The following MAPRE2 variants were observed in gnomAD, a reference collection of about 807,000 sequenced individuals.
The protein encoded by MAPRE2 is microtubule associated protein RP/EB family member 2.
MAPRE2 carries 13 observed loss-of-function variants against 43.2 expected under a neutral mutation model. The ratio of observed to expected loss-of-function variants is 0.30; its 90% confidence interval spans 0.20 to 0.48. The LOEUF is 0.48. Among genes scored for constraint, MAPRE2 ranks in the 20% least tolerant of loss-of-function variants. The pLI is 0.99. For synonymous variants in MAPRE2, 135 were observed against 148.8 expected (o/e 0.91, Z 0.68); for missense variants, 161 against 400.2 (o/e 0.40, Z 5.10).
intron 4 of MAPRE2, among the ~76,000 whole-genome samples, chr18:35,113,102 G>A (rs914858704): frequency 1.3e-5 from 2 of 152,292 alleles, no homozygotes; most frequent in Non-Finnish European, 2.9e-5. Context: ...AGGTTTCAAC[G>A]TATAGATCTG....
intron 1 of MAPRE2, among the ~76,000 whole-genome samples, chr18:34,997,899 G>C (rs1397184812): frequency 6.6e-6 from 1 of 152,082 alleles, no homozygotes; most frequent in African/African-American, 2.4e-5. Context: ...AAAACTAAGA[G>C]CTATAAACAA....
At chr18:35,003,707 C>G (rs895525729) in intron 1 of MAPRE2, among the ~76,000 whole-genome samples, 1 of 152,122 alleles carries the variant, frequency 6.6e-6, no homozygotes, top group South Asian at 2.1e-4. Context: ...GCTTGCACAG[C>G]TACTGGGTAC....
At chr18:35,036,783 T>C (rs533833606), upstream of MAPRE2, among the ~76,000 whole-genome samples, 16 of 152,364 alleles carry the variant, frequency 1.1e-4, no homozygotes, top group Non-Finnish European at 2.1e-4. Context: ...TCAAATCAAA[T>C]GATATTTGTT....
chr18:35,002,535 A>G (rs1176666470), intron 1 of MAPRE2, among the ~76,000 whole-genome samples: 1 of 152,224 alleles, frequency 6.6e-6, no homozygotes, highest in Non-Finnish European at 1.5e-5. Context: ...GAAGCAATAT[A>G]TGAGTGATCT....
intron 1 of MAPRE2, among the ~76,000 whole-genome samples, chr18:34,988,138 A>G (rs745784329): frequency 3.4e-4 from 52 of 152,328 alleles, no homozygotes; most frequent in Middle Eastern, 3.4e-3. Flanking sequence ...ACATATTCAT[A>G]TACTTGTATC....
chr18:35,035,960 C>T (rs1413549444), intron 2 of MAPRE2, among the ~76,000 whole-genome samples: 2 of 146,156 alleles, frequency 1.4e-5, no homozygotes, highest in African/African-American at 5.1e-5. Context: ...ACATTAAGAC[C>T]TATATATTCC....
At chr18:35,120,448 A>G (rs1282111092) in intron 4 of MAPRE2, among the ~76,000 whole-genome samples, 1 of 152,240 alleles carries the variant, frequency 6.6e-6, no homozygotes, top group Non-Finnish European at 1.5e-5. Context: ...ACCCTGTTAA[A>G]GTTTCATTTG....
intron 4 of MAPRE2, among the ~76,000 whole-genome samples, chr18:35,116,202 G>A (rs1909403320): frequency 6.6e-6 from 1 of 152,188 alleles, no homozygotes. Flanking sequence ...TAATGTATAA[G>A]TAGATGTTAG....
At chr18:35,015,307 T>C (rs2097037455) in intron 2 of MAPRE2, among the ~76,000 whole-genome samples, 1 of 152,118 alleles carries the variant, frequency 6.6e-6, no homozygotes, top group Non-Finnish European at 1.5e-5. Context: ...GTGTAATACC[T>C]GAACACCAGA....
intron 2 of MAPRE2, among the ~76,000 whole-genome samples, chr18:35,096,310 C>A (rs1452339285): frequency 6.6e-6 from 1 of 152,110 alleles, no homozygotes; most frequent in African/African-American, 2.4e-5. Context: ...AAAGAATGAA[C>A]CTAAAAATGG....
chr18:35,115,037 A>G (rs1359905648), intron 4 of MAPRE2, among the ~76,000 whole-genome samples: 1 of 152,106 alleles, frequency 6.6e-6, no homozygotes. Flanking sequence ...GTTGCTTAGT[A>G]TATTGGGCAG....
chr18:35,072,963 A>G (rs941154474), intron 2 of MAPRE2, among the ~76,000 whole-genome samples: 4 of 152,180 alleles, frequency 2.6e-5, no homozygotes, highest in African/African-American at 4.8e-5. Flanking sequence ...GTTAATCTCC[A>G]TAGTAGAGAA....
intron 2 of MAPRE2, among the ~76,000 whole-genome samples, chr18:35,025,980 A>G (rs1395575630): frequency 6.6e-6 from 1 of 152,178 alleles, no homozygotes; most frequent in African/African-American, 2.4e-5. Flanking sequence ...TACAGTGCCA[A>G]AAGAAAAACT....
At chr18:35,024,749 T>C (rs1034003394) in intron 2 of MAPRE2, among the ~76,000 whole-genome samples, 5 of 152,198 alleles carry the variant, frequency 3.3e-5, no homozygotes, top group African/African-American at 1.2e-4. Context: ...ATAGACAATG[T>C]TAAGGATGGC....
intron 4 of MAPRE2, among the ~76,000 whole-genome samples, chr18:35,102,662 T>C (rs887015407): frequency 6.6e-6 from 1 of 152,196 alleles, no homozygotes; most frequent in Non-Finnish European, 1.5e-5. Flanking sequence ...AATACCCTAT[T>C]TATCCAGCTT....
At chr18:35,093,141 G>A (rs905384881) in intron 2 of MAPRE2, among the ~76,000 whole-genome samples, 2 of 147,240 alleles carry the variant, frequency 1.4e-5, no homozygotes, top group Non-Finnish European at 3.0e-5. Context: ...GAACCTGGGA[G>A]GTGGACGTTG....
At chr18:35,056,398 G>C (rs765792014) in intron 1 of MAPRE2, among the ~76,000 whole-genome samples, 12 of 152,184 alleles carry the variant, frequency 7.9e-5, no homozygotes, top group Non-Finnish European at 1.3e-4. Context: ...GTGATTGTCA[G>C]GTTTTTGGTT....
At chr18:35,083,282 G>C (rs1354609770) in intron 2 of MAPRE2, among the ~76,000 whole-genome samples, 4 of 152,140 alleles carry the variant, frequency 2.6e-5, no homozygotes, top group African/African-American at 9.7e-5. Flanking sequence ...GTGAGAATAC[G>C]TGAGTGCACA....
Position 35,041,564 on chromosome 18 carries a change from T to G in MAPRE2, c.25T>G (p.Ser9Ala). 1 of 1,614,026 alleles carries G rather than the reference T, an allele frequency of 6.2e-7. No homozygotes were observed. The highest frequency in any genetic ancestry group is 8.5e-7 in the Non-Finnish European group (1 of 1,180,002). The change falls in exon 1 of 7, where the codon TCC becomes GCC. Residue 9 changes from serine to alanine, a missense_variant. Physicochemically the swap from Ser to Ala is moderately conservative, Grantham distance 99 (BLOSUM62 1). Transcript: ENST00000300249. ...AATGCCTGGGCCGACCCAAACCCTGTCCCCAAATGGCGAGAACAACAACGA... is the reference window on the plus strand; with the variant it reads ...AATGCCTGGGCCGACCCAAACCCTGGCCCCAAATGGCGAGAACAACAACGA... MPGPTQTL[S>A]PNGENNNDII... is the part of the protein sequence containing the mutation.
Sources: gnomAD v4.1 joint callset for allele counts (sites outside exome capture counted in the v4.1 genomes callset) on GRCh38, gnomAD v4.1.1 for gene constraint, MANE v1.5 for transcripts, NCBI Gene and HGNC (gene_info 2026-07-23, HGNC 2026-07-21) for gene names.